The following TNFSF13B variants were observed in gnomAD, a reference collection of about 807,000 sequenced individuals.
TNFSF13B encodes the protein TNF superfamily member 13b, also known as tumor necrosis factor ligand superfamily member 13B.
TNFSF13B carries 8 observed loss-of-function variants against 29.1 expected under a neutral mutation model. The ratio of observed to expected loss-of-function variants is 0.27; its 90% CI spans 0.16 to 0.50. The LOEUF is 0.50. Among genes scored for constraint, TNFSF13B ranks in the 20% least tolerant of loss-of-function variants. TNFSF13B has a pLI of 0.98. For synonymous variants in TNFSF13B, 125 were observed against 130.8 expected (o/e 0.96, Z 0.30); for missense variants, 248 against 334.9 (o/e 0.74, Z 2.03).
chr13:108,302,022 T>C (rs1421082078), intron 3 of TNFSF13B, among the ~76,000 whole-genome samples: 1 of 152,212 alleles, frequency 6.6e-6, no homozygotes, highest in Non-Finnish European at 1.5e-5. Context: ...CACTTGGCAG[T>C]TGTATTTACA....
intron 5 of TNFSF13B, among the ~76,000 whole-genome samples, chr13:108,306,534 G>A (rs1250637661): frequency 2.6e-5 from 4 of 151,904 alleles, no homozygotes; most frequent in Admixed American, 2.6e-4. Flanking sequence ...GATGTTCCAT[G>A]ATTTACCTAA....
intron 2 of TNFSF13B, among the ~76,000 whole-genome samples, chr13:108,286,210 C>A (rs1049821660): frequency 6.6e-6 from 1 of 152,192 alleles, no homozygotes; most frequent in Non-Finnish European, 1.5e-5. Context: ...CACTTTCTGT[C>A]TCTGATTCCT....
intron 3 of TNFSF13B, among the ~76,000 whole-genome samples, chr13:108,298,092 CT>C (rs1245015319): frequency 4.1e-5 from 6 of 144,674 alleles, no homozygotes; most frequent in African/African-American, 1.3e-4. Flanking sequence ...ATTTTCACTT[CT>C]TTTTTTTAGT....
rs143145445 is a variant in TNFSF13B, at chr13:108,284,091, G to C, written c.425-2712G>C. Among the ~76,000 whole-genome samples the C allele has an allele frequency of 8.3e-3, 1,267 of 152,302 alleles. 13 individuals carry two copies. The highest frequency in any genetic ancestry group is 0.029 in the African/African-American group (1,207 of 41,568). ...CACGTCTGTAATCCCAGCACTTTGG[G>C]AGGCGAGGTGGGCGGTTCACGAGGT... is the stretch of plus-strand genomic sequence containing the variant. On this transcript the variant is annotated intron_variant, in intron 2 of 5. Coordinates refer to ENST00000375887, the MANE Select transcript of TNFSF13B (RefSeq NM_006573.5).
intron 3 of TNFSF13B, among the ~76,000 whole-genome samples, chr13:108,300,726 C>T: frequency 6.6e-6 from 1 of 152,082 alleles, no homozygotes; most frequent in East Asian, 1.9e-4. Context: ...GGAAAATATT[C>T]CCTTCTTTGG....
At chr13:108,271,276 A>G (rs2139037942) in intron 2 of TNFSF13B, among the ~76,000 whole-genome samples, 1 of 152,300 alleles carries the variant, frequency 6.6e-6, no homozygotes, top group South Asian at 2.1e-4. Context: ...CCTGGAACGT[A>G]TCGTACAGCT....
At chr13:108,292,806 A>C (rs1198600007) in intron 3 of TNFSF13B, among the ~76,000 whole-genome samples, 1 of 152,014 alleles carries the variant, frequency 6.6e-6, no homozygotes. Flanking sequence ...AAACTTCCTT[A>C]TATATTATGG....
rs935925378 is a variant in TNFSF13B at position 108,296,368 on chromosome 13, C to T, written c.482-6885C>T. Reference sequence around the variant, plus strand: ...TGTTTCATAAAAATTTTTGGCTTAACATGTATTTATTCTGATATCAGTATT... The same window carrying T: ...TGTTTCATAAAAATTTTTGGCTTAATATGTATTTATTCTGATATCAGTATT... On this transcript the variant is annotated intron_variant, in intron 3 of 5. Coordinates refer to ENST00000375887, the MANE Select transcript of TNFSF13B (RefSeq NM_006573.5). 4.1e-5 allele frequency among the ~76,000 whole-genome samples: 6 copies of T among 145,670 alleles called. 1 individual carries two copies. The highest frequency in any genetic ancestry group is 7.6e-5 in the Non-Finnish European group (5 of 65,514).
intron 3 of TNFSF13B, among the ~76,000 whole-genome samples, chr13:108,294,270 C>A (rs1260564453): frequency 6.6e-6 from 1 of 151,486 alleles, no homozygotes; most frequent in African/African-American, 2.4e-5. Context: ...ACATCTGCCT[C>A]CTGGGTTCAA....
chr13:108,274,258 G>A (rs1880698445), intron 2 of TNFSF13B, among the ~76,000 whole-genome samples: 1 of 144,404 alleles, frequency 6.9e-6, no homozygotes, highest in Non-Finnish European at 1.6e-5. Context: ...TGTTGTTCAA[G>A]GATCAACTGT....
intron 2 of TNFSF13B, among the ~76,000 whole-genome samples, chr13:108,279,965 C>T (rs778403893): frequency 5.3e-5 from 8 of 151,914 alleles, no homozygotes; most frequent in Non-Finnish European, 8.8e-5. Flanking sequence ...CCGGCCCGGG[C>T]ACCAAGAATT....
intron 2 of TNFSF13B, among the ~76,000 whole-genome samples, chr13:108,285,047 A>G (rs913216337): frequency 2.6e-5 from 4 of 152,192 alleles, no homozygotes; most frequent in African/African-American, 9.6e-5. Flanking sequence ...GGGCACAGGC[A>G]TGGATACCTT....
At chr13:108,281,525 C>A (rs1022265704) in intron 2 of TNFSF13B, among the ~76,000 whole-genome samples, 3 of 152,190 alleles carry the variant, frequency 2.0e-5, no homozygotes, top group Non-Finnish European at 2.9e-5. Flanking sequence ...CACCCTATGT[C>A]TTTTCCCAGT....
At chr13:108,272,392 A>T (rs1382746661) in intron 2 of TNFSF13B, among the ~76,000 whole-genome samples, 1 of 152,046 alleles carries the variant, frequency 6.6e-6, no homozygotes, top group Admixed American at 6.6e-5. Flanking sequence ...ATCTTTAAAA[A>T]ATTTTCCCTA....
rs530195240 is a variant in TNFSF13B at position 108,295,891 on chromosome 13, C to T, written c.482-7362C>T. Among the ~76,000 whole-genome samples, 3 of 145,956 alleles carry T rather than the reference C, an allele frequency of 2.1e-5. 1 individual carries two copies. Among genetic ancestry groups the T allele is most frequent in the African/African-American group, 7.7e-5 (3 of 38,970 alleles). Reference sequence around the variant, plus strand: ...CTAAAATGAATGCTTAATAGAGAGCCATTTCAGATTGAAAAACATAAACAG... The same window carrying T: ...CTAAAATGAATGCTTAATAGAGAGCTATTTCAGATTGAAAAACATAAACAG... On this transcript the variant is annotated intron_variant, in intron 3 of 5. Coordinates refer to ENST00000375887, the MANE Select transcript of TNFSF13B (RefSeq NM_006573.5).
chr13:108,289,446 T>G (rs1881240924), intron 3 of TNFSF13B, among the ~76,000 whole-genome samples: 1 of 151,878 alleles, frequency 6.6e-6, no homozygotes, highest in African/African-American at 2.4e-5. Context: ...GTAGGTTGCA[T>G]TTTGTTAAAA....
chr13:108,284,459 G>A (rs1230637440), intron 2 of TNFSF13B, among the ~76,000 whole-genome samples: 3 of 152,144 alleles, frequency 2.0e-5, no homozygotes, highest in African/African-American at 4.8e-5. Flanking sequence ...CTGCAGTTGG[G>A]CAGCATGTTT....
At chr13:108,297,226 G>A (rs1354388322) in intron 3 of TNFSF13B, among the ~76,000 whole-genome samples, 1 of 145,512 alleles carries the variant, frequency 6.9e-6, no homozygotes, top group Non-Finnish European at 1.5e-5. Context: ...TAGAATACAT[G>A]GTAGACAGTG....
intron 2 of TNFSF13B, among the ~76,000 whole-genome samples, chr13:108,272,334 C>T (rs1009535238): frequency 6.6e-6 from 1 of 151,892 alleles, no homozygotes; most frequent in Non-Finnish European, 1.5e-5. Flanking sequence ...AACAGTTTTG[C>T]TTCTTTTTTT....
Sources: allele counts gnomAD v4.1 joint callset (sites outside exome capture counted in the v4.1 genomes callset), GRCh38; gene constraint gnomAD v4.1.1; transcripts MANE v1.5; gene names NCBI Gene and HGNC (gene_info 2026-07-23, HGNC 2026-07-21).